The following EDARADD variants were observed in gnomAD, a reference collection of about 807,000 sequenced individuals.
The protein encoded by EDARADD is ectodysplasin-A receptor-associated adapter protein.
Under a neutral mutation model 25.6 loss-of-function variants are expected in EDARADD, and 20 were observed. The observed-to-expected ratio is 0.78, with a 90% CI of 0.55 to 1.14. The LOEUF (loss-of-function observed/expected upper bound fraction) is 1.14. Among genes scored for constraint, EDARADD ranks in the 50% most tolerant of loss-of-function variants. EDARADD has a pLI of 0.00. For synonymous variants in EDARADD, 86 were observed against 94.4 expected (o/e 0.91, Z 0.52); for missense variants, 225 against 270.1 (o/e 0.83, Z 1.17).
At chr1:236,380,259 G>A (rs556731260) in intron 3 of EDARADD, among the ~76,000 whole-genome samples, 1 of 152,326 alleles carries the variant, frequency 6.6e-6, no homozygotes, top group Non-Finnish European at 1.5e-5. Context: ...ATAGGAAAAA[G>A]TCTGAAGTCA....
chr1:236,421,204 T>G (rs192180843), intron 3 of EDARADD, among the ~76,000 whole-genome samples: 2 of 147,088 alleles, frequency 1.4e-5, no homozygotes, highest in East Asian at 2.0e-4. Context: ...CTGTGCGTCA[T>G]GCAGGGCCAC....
chr1:236,418,381 A>T (rs1571922778), intron 3 of EDARADD, among the ~76,000 whole-genome samples: 1 of 151,776 alleles, frequency 6.6e-6, no homozygotes, highest in East Asian at 1.9e-4. Context: ...AGTAGCTGGG[A>T]CTACAGGCGA....
intron 5 of EDARADD, among the ~76,000 whole-genome samples, chr1:236,476,742 CT>C: frequency 6.6e-6 from 1 of 152,300 alleles, no homozygotes; most frequent in Middle Eastern, 3.4e-3. Context: ...TCAGGCTGGT[CT>C]TGAACTCCCA....
intron 5 of EDARADD, among the ~76,000 whole-genome samples, chr1:236,475,668 G>C (rs1659481710): frequency 6.6e-6 from 1 of 151,958 alleles, no homozygotes; most frequent in African/African-American, 2.4e-5. Context: ...GGAGGCTGAG[G>C]TAGGAGAATC....
rs553644256 is a variant in EDARADD at position 236,405,937 on chromosome 1, T to C, written c.62-3279T>C. ...TCTTTCTTTCTTTCTCTTTCCTTTTTTTTTTCTGCTCATTCTAATTTTCCT... is the reference window on the plus strand; with the variant it reads ...TCTTTCTTTCTTTCTCTTTCCTTTTCTTTTTCTGCTCATTCTAATTTTCCT... On this transcript the variant is annotated intron_variant, in intron 1 of 5. Coordinates refer to ENST00000334232, the MANE Select transcript of EDARADD (RefSeq NM_145861.4). 9.8e-5 allele frequency among the ~76,000 whole-genome samples: 13 copies of C among 132,318 alleles called. 1 individual carries two copies. In the East Asian group the frequency reaches 3.4e-3, roughly 34 times the overall value. The allele number at this position is 132,318 out of a possible 152,430, so 86.8% of individuals were successfully genotyped here. A position where few individuals can be genotyped will look rare whatever the true frequency, so the allele number is the denominator to read the frequency against.
chr1:236,382,097 C>T (rs964987425), intron 3 of EDARADD, among the ~76,000 whole-genome samples: 1 of 151,830 alleles, frequency 6.6e-6, no homozygotes, highest in African/African-American at 2.4e-5. Context: ...AATTTTTGGC[C>T]ATTATTTCTT....
intron 3 of EDARADD, among the ~76,000 whole-genome samples, chr1:236,389,221 C>G (rs867157408): frequency 7.2e-5 from 11 of 152,170 alleles, no homozygotes; most frequent in African/African-American, 2.7e-4. Flanking sequence ...GAGTGAGGAT[C>G]CCGAGGCTAC....
intron 1 of EDARADD, among the ~76,000 whole-genome samples, chr1:236,401,760 A>G (rs1667615290): frequency 1.3e-5 from 2 of 152,200 alleles, no homozygotes; most frequent in African/African-American, 2.4e-5. Flanking sequence ...CCCTCTAAAA[A>G]GATATGTTGA....
intron 1 of EDARADD, chr1:236,348,633 C>T (rs144076136): frequency 1.3e-5 from 2 of 152,370 alleles, no homozygotes; most frequent in East Asian, 3.9e-4. Flanking sequence ...CTCATACCTA[C>T]AGGCTATGTT....
At chr1:236,410,190 C>G (rs73123244) in intron 2 of EDARADD, among the ~76,000 whole-genome samples, 6,803 of 152,070 alleles carry the variant, frequency 0.045, 392 homozygotes, top group African/African-American at 0.14. Flanking sequence ...AAATCCATCA[C>G]CCACATAGTG....
Position 236,395,583 on chromosome 1 carries a change from G to T in EDARADD, c.61+1078G>T. The T allele has an allele frequency of 6.5e-7, 1 of 1,547,140 alleles. No individual in the cohort carries two copies. Among genetic ancestry groups the T allele is most frequent in the Non-Finnish European group, 8.7e-7 (1 of 1,148,376 alleles). On this transcript the variant is annotated intron_variant, in intron 1 of 5. Transcript: ENST00000334232. This position sits in a 1 kb window ranked among gnomAD's most constrained non-coding sequence, Gnocchi z 6.9. ...TCCCACGGTCCTCCCGCGCCCCGGA[G>T]GCCTGCCAGCCCCGCTCGGACGCTC...
intron 1 of EDARADD, among the ~76,000 whole-genome samples, chr1:236,407,784 T>C (rs1190526715): frequency 6.6e-6 from 1 of 152,206 alleles, no homozygotes; most frequent in African/African-American, 2.4e-5. Flanking sequence ...ATTTTGGAGA[T>C]GGGAAACTTT....
intron 4 of EDARADD, among the ~76,000 whole-genome samples, chr1:236,451,771 G>A (rs999568109): frequency 1.3e-5 from 2 of 152,124 alleles, no homozygotes; most frequent in Admixed American, 1.3e-4. Context: ...GAAATTTGGA[G>A]GCCTTAAAGT....
chr1:236,377,813 G>A (rs752278046), intron 3 of EDARADD, among the ~76,000 whole-genome samples: 51 of 151,672 alleles, frequency 3.4e-4, no homozygotes, highest in Admixed American at 1.1e-3. Context: ...AGCCAAGATC[G>A]TGCCACTGCA....
intron 2 of EDARADD, 97 bp downstream of exon 2, chr1:236,409,371 A>G (rs1657359503): frequency 2.1e-6 from 2 of 933,248 alleles, no homozygotes; most frequent in Non-Finnish European, 3.4e-6. Context: ...TTACATGTGC[A>G]TCAGAAACCC....
At chr1:236,448,922 T>C (rs1283220052) in intron 4 of EDARADD, among the ~76,000 whole-genome samples, 1 of 152,176 alleles carries the variant, frequency 6.6e-6, no homozygotes, top group Admixed American at 6.5e-5. Context: ...TCTAGTCTGC[T>C]TGGGCTGCCG....
At chr1:236,427,545 A>G (rs999802607) in intron 4 of EDARADD, 95 bp downstream of exon 4, 7 of 1,225,190 alleles carry the variant, frequency 5.7e-6, no homozygotes, top group Admixed American at 2.1e-5. Context: ...AAAAAATGAA[A>G]AACAGGATTT....
chr1:236,450,378 A>G (rs985332757), intron 4 of EDARADD, among the ~76,000 whole-genome samples: 4 of 151,938 alleles, frequency 2.6e-5, no homozygotes, highest in African/African-American at 4.8e-5. Context: ...TTTTTTGTAT[A>G]GTTATAGTCA....
At chr1:236,443,690 C>T (rs184590065) in intron 4 of EDARADD, among the ~76,000 whole-genome samples, 11 of 152,290 alleles carry the variant, frequency 7.2e-5, no homozygotes, top group African/African-American at 2.4e-4. Flanking sequence ...ATGGAATCTG[C>T]TCCTGGCAAA....
Sources: allele counts gnomAD v4.1 joint callset (sites outside exome capture counted in the v4.1 genomes callset), GRCh38; gene constraint gnomAD v4.1.1; non-coding constraint Gnocchi (gnomAD v3.1); transcripts MANE v1.5; gene names NCBI Gene and HGNC (gene_info 2026-07-23, HGNC 2026-07-21).